Variants in NUDT18 observed in about 807,000 individuals in gnomAD.
NUDT18 encodes the protein 8-oxo-dGDP phosphatase NUDT18.
A neutral mutation model predicts 27.6 loss-of-function variants in NUDT18; 26 were observed. The observed-to-expected ratio is 0.94, with a 90% CI of 0.69 to 1.31. The LOEUF is 1.31. NUDT18 is among the 50% of genes most tolerant of loss of function. NUDT18 has a pLI of 0.00. For synonymous variants in NUDT18, 220 were observed against 196.9 expected (o/e 1.12, Z -0.98); for missense variants, 450 against 433.4 (o/e 1.04, Z -0.34).
At chr8:22,108,108 CA>C in intron 2 of NUDT18, 24 bp downstream of exon 2, 1 of 1,478,706 alleles carries the variant, frequency 6.8e-7, no homozygotes, top group Non-Finnish European at 9.0e-7. Context: ...TGGCCCTGTT[CA>C]CACTGCCTCC....
chr8:22,110,242 C>T (rs534094841), upstream of NUDT18, among the ~76,000 whole-genome samples: 1 of 152,248 alleles, frequency 6.6e-6, no homozygotes, highest in Non-Finnish European at 1.5e-5. Context: ...CTTGTCGTCA[C>T]CCTCCCACCC....
intron 1 of NUDT18, among the ~76,000 whole-genome samples, chr8:22,108,927 T>C (rs1364955834): frequency 3.3e-5 from 5 of 152,152 alleles, no homozygotes; most frequent in Non-Finnish European, 7.4e-5. Flanking sequence ...TGAGGCCTAG[T>C]CGGATGAGAC....
chr8:22,109,552 TG>T (rs1826434836), upstream of NUDT18: 1 of 484,888 alleles, frequency 2.1e-6, no homozygotes, highest in Non-Finnish European at 3.8e-6. Context: ...GGGGCCGCCC[TG>T]GAACTGGGGG....
In NUDT18 at chr8:22,109,385, C is replaced by CCAGTCCCTGCGGAGACCGCTCA; in HGVS notation, c.-86_-85insTGAGCGGTCTCCGCAGGGACTG. Reference sequence around the variant, plus strand: ...CTAGAGTGCGCTGCGGAGCCCGCTCCCAGTCCCTGCGGCAGCGGGCCGGGA... The same window carrying CCAGTCCCTGCGGAGACCGCTCA: ...CTAGAGTGCGCTGCGGAGCCCGCTCCCAGTCCCTGCGGAGACCGCTCACAGTCCCTGCGGCAGCGGGCCGGGA... On this transcript the variant is annotated 5_prime_UTR_variant, in exon 1 of 3. Transcript: ENST00000611621. 1 of 1,291,322 alleles carries CCAGTCCCTGCGGAGACCGCTCA rather than the reference C, an allele frequency of 7.7e-7. No individual in the cohort carries two copies. Among genetic ancestry groups the CCAGTCCCTGCGGAGACCGCTCA allele is most frequent in the Non-Finnish European group, 9.9e-7 (1 of 1,010,348 alleles). 80.0% of individuals were successfully genotyped at this position (1,291,322 alleles called of 1,614,324 possible). A position where few individuals can be genotyped will look rare whatever the true frequency, so the allele number is the denominator to read the frequency against.
intron 1 of NUDT18, 120 bp from the exon 2 acceptor site, chr8:22,108,466 C>G: frequency 2.4e-6 from 2 of 829,164 alleles, no homozygotes; most frequent in Non-Finnish European, 3.7e-6. Flanking sequence ...ACCCAGCTAG[C>G]GCTCCAGGAG....
In NUDT18 at chr8:22,109,272, A is replaced by G. The variant is rs1350819662; in HGVS notation, c.29T>C (p.Leu10Pro). The G allele has an allele frequency of 7.2e-7, 1 of 1,396,734 alleles. No individual in the cohort carries two copies. Among genetic ancestry groups the G allele is most frequent in the Admixed American group, 3.3e-5 (1 of 30,408 alleles). The allele number at this position is 1,396,734 out of a possible 1,614,324, so 86.5% of individuals were successfully genotyped here. Residue 10 changes from leucine (L) to proline (P), a missense_variant, in exon 1 of 3, where the codon CTG (leucine) becomes CCG (proline). Physicochemically the swap from Leu to Pro is moderately conservative, Grantham distance 98. Coordinates refer to ENST00000611621, the MANE Select transcript of NUDT18 (RefSeq NM_024815.4). MASEGLAGALASVLAGQGSS... is the reference protein window; with the variant it reads MASEGLAGAPASVLAGQGSS... ...CCCCTGGCCAGCCAGCACGGAAGCC[A>G]GCGCCCCCGCCAGGCCCTCCGAGGC...
Position 22,109,378 on chromosome 8 carries a change from C to CCCGCTCCCAGTCACTGCGGAGA in NUDT18, c.-79_-78insTCTCCGCAGTGACTGGGAGCGG. On this transcript the variant is annotated 5_prime_UTR_variant, in exon 1 of 3. Transcript: ENST00000611621. ...CCGCGGGCTAGAGTGCGCTGCGGAG[C>CCCGCTCCCAGTCACTGCGGAGA]CCGCTCCCAGTCCCTGCGGCAGCGG... 8.4e-7 allele frequency: 1 copy of CCCGCTCCCAGTCACTGCGGAGA among 1,195,272 alleles called. No individual in the cohort carries two copies. The highest frequency in any genetic ancestry group is 1.1e-6 in the Non-Finnish European group (1 of 931,082). 74.0% of individuals were successfully genotyped at this position (1,195,272 alleles called of 1,614,324 possible).
chr8:22,109,058 C>T, intron 1 of NUDT18, 81 bp downstream of exon 1: 6 of 1,113,862 alleles, frequency 5.4e-6, no homozygotes, highest in Non-Finnish European at 7.1e-6. Context: ...GCAGCGCTGG[C>T]TGTGGCCGTT....
At position 22,109,266 on chromosome 8, in the gene NUDT18, G is replaced by A; in HGVS notation, c.35C>T (p.Ser12Phe). 1.4e-6 allele frequency: 2 copies of A among 1,401,750 alleles called. No individual in the cohort carries two copies. Among genetic ancestry groups the A allele is most frequent in the East Asian group, 3.1e-5 (1 of 32,428 alleles). 86.8% of individuals were successfully genotyped at this position (1,401,750 alleles called of 1,614,324 possible). A position where few individuals can be genotyped will look rare whatever the true frequency, so the allele number is the denominator to read the frequency against. The stretch of plus-strand genomic sequence containing the variant: ...GCTGGACCCCTGGCCAGCCAGCACG[G>A]AAGCCAGCGCCCCCGCCAGGCCCTC... Reference protein sequence around the residue: ...ASEGLAGALASVLAGQGSSVH... With the variant: ...ASEGLAGALAFVLAGQGSSVH... Residue 12 changes from serine (S) to phenylalanine (F), a missense_variant, in exon 1 of 3, where the codon TCC (serine) becomes TTC (phenylalanine). Ser to Phe is a radical substitution (Grantham distance 155). Coordinates refer to ENST00000611621, the MANE Select transcript of NUDT18 (RefSeq NM_024815.4).
chr8:22,109,220 C>A lies in NUDT18; in HGVS notation c.81G>T (p.Ala27=), dbSNP rs1337581354. The A allele has an allele frequency of 3.5e-6, 5 of 1,439,840 alleles. No individual in the cohort carries two copies. Among genetic ancestry groups the A allele is most frequent in the Non-Finnish European group, 4.5e-6 (5 of 1,106,370 alleles). The allele number at this position is 1,439,840 out of a possible 1,614,324, so 89.2% of individuals were successfully genotyped here. The change falls in exon 1 of 3, where the codon GCG becomes GCT. Residue 27 remains alanine (A), a synonymous_variant. Coordinates refer to ENST00000611621, the MANE Select transcript of NUDT18 (RefSeq NM_024815.4). ...QGSSVHSCDS[A]PAGEPPAPVR... Reference sequence around the variant, plus strand: ...CGGGCGCCGGCGGCTCCCCGGCCGGCGCCGAGTCGCAGCTGTGCACGCTGG... The same window carrying A: ...CGGGCGCCGGCGGCTCCCCGGCCGGAGCCGAGTCGCAGCTGTGCACGCTGG...
Position 22,107,810 on chromosome 8 carries a change from C to A in NUDT18, c.462G>T (p.Leu154=). 1 of 1,613,130 alleles carries A rather than the reference C, an allele frequency of 6.2e-7. No individual in the cohort carries two copies. The highest frequency in any genetic ancestry group is 1.1e-5 in the South Asian group (1 of 91,016). ...WYPRTSLPTP[L]RAHDILHLVE... is the part of the protein sequence containing the mutation. Reference sequence around the variant, plus strand: ...CCAGGTGCAGGATGTCATGGGCTCGCAGCGGAGTGGGCAGGGAGGTCCGTG... The same window carrying A: ...CCAGGTGCAGGATGTCATGGGCTCGAAGCGGAGTGGGCAGGGAGGTCCGTG... The change falls in exon 3 of 3, where the codon CTG becomes CTT. Residue 154 remains leucine (L), a synonymous_variant. Coordinates refer to ENST00000611621, the MANE Select transcript of NUDT18 (RefSeq NM_024815.4).
chr8:22,109,122 C>CG lies in NUDT18; in HGVS notation c.162+16dup. The CG allele has an allele frequency of 7.1e-7, 1 of 1,404,528 alleles. No individual in the cohort carries two copies. The highest frequency in any genetic ancestry group is 9.2e-7 in the Non-Finnish European group (1 of 1,090,758). The allele number at this position is 1,404,528 out of a possible 1,614,324, so 87.0% of individuals were successfully genotyped here. ...GCGCGCTCCCGAGGCCCGGCGGGCC[C>CG]GGGGGCGGCCGCTCACCTGCTCGCT... is the stretch of plus-strand genomic sequence containing the variant. On this transcript the variant is annotated intron_variant, in intron 1 of 2. Coordinates refer to ENST00000611621, the MANE Select transcript of NUDT18 (RefSeq NM_024815.4).
upstream of NUDT18, chr8:22,109,478 C>T (rs1826432838): frequency 7.5e-6 from 4 of 536,634 alleles, no homozygotes; most frequent in Non-Finnish European, 6.0e-6. Context: ...TGATAGGCTG[C>T]GCGGCGCCGC....
chr8:22,109,688 CTCCGACGGTGACG>C (rs1826438815), upstream of NUDT18: 1 of 464,378 alleles, frequency 2.2e-6, no homozygotes, highest in Non-Finnish European at 4.3e-6. Context: ...TCTGCAGGAG[CTCCGACGGTGACG>C]TCATCTTTCC....
At position 22,107,565 on chromosome 8, in the gene NUDT18, C is replaced by G. The variant is rs1162182266; in HGVS notation, c.707G>C (p.Arg236Pro). ...CAGGGTCAGACACTCCTGCAGCAGC[C>G]GCAGGACGGCCATCTTCATGCCACC... ...QRGGMKMAVLRLLQECLTLHH... is the reference protein window; with the variant it reads ...QRGGMKMAVLPLLQECLTLHH... The change falls in exon 3 of 3, where the codon CGG (arginine) becomes CCG (proline). Residue 236 changes from arginine to proline, a missense_variant. Arg to Pro is a moderately radical substitution (Grantham distance 103, BLOSUM62 -2). Coordinates refer to ENST00000611621, the MANE Select transcript of NUDT18 (RefSeq NM_024815.4). 6 of 1,612,982 alleles carry G rather than the reference C, an allele frequency of 3.7e-6. No homozygotes were observed. The highest frequency in any genetic ancestry group is 5.1e-6 in the Non-Finnish European group (6 of 1,179,876).
In NUDT18 at chr8:22,109,293, G is replaced by A. The variant is rs768449580; in HGVS notation, c.8C>T (p.Ser3Leu). 4.4e-6 allele frequency: 6 copies of A among 1,372,330 alleles called. No individual in the cohort carries two copies. Among genetic ancestry groups the A allele is most frequent in the Middle Eastern group, 5.2e-4 (2 of 3,844 alleles). 85.0% of individuals were successfully genotyped at this position (1,372,330 alleles called of 1,614,324 possible). The part of the protein sequence containing the change: MA[S>L]EGLAGALASV... ...AGCCAGCGCCCCCGCCAGGCCCTCCGAGGCCATCGGGTCCCCCGGGGGGCG... is the reference window on the plus strand; with the variant it reads ...AGCCAGCGCCCCCGCCAGGCCCTCCAAGGCCATCGGGTCCCCCGGGGGGCG... The change falls in exon 1 of 3, where the codon TCG becomes TTG. Residue 3 changes from serine (S) to leucine (L), a missense_variant. Coordinates refer to ENST00000611621, the MANE Select transcript of NUDT18 (RefSeq NM_024815.4).
upstream of NUDT18, chr8:22,109,841 G>A (rs542549236): frequency 3.9e-5 from 17 of 437,290 alleles, no homozygotes; most frequent in African/African-American, 3.2e-4. Flanking sequence ...CATTGCCGGA[G>A]TTGATCATAT....
rs751034287 is a variant in NUDT18, at chr8:22,107,544, G to A, written c.728C>T (p.Thr243Ile). ...AVLRLLQECL[T>I]LHHLVVEIKG... Reference sequence around the variant, plus strand: ...GATCTCCACCACCAAGTGGTGCAGGGTCAGACACTCCTGCAGCAGCCGCAG... The same window carrying A: ...GATCTCCACCACCAAGTGGTGCAGGATCAGACACTCCTGCAGCAGCCGCAG... Residue 243 changes from threonine to isoleucine, a missense_variant, in exon 3 of 3, where the codon ACC becomes ATC. Transcript: ENST00000611621. The A allele has an allele frequency of 1.2e-6, 2 of 1,613,038 alleles. No homozygotes were observed. The highest frequency in any genetic ancestry group is 1.1e-5 in the South Asian group (1 of 91,080).
At position 22,109,302 on chromosome 8, in the gene NUDT18, G is replaced by T; in HGVS notation, c.-2C>A. ...CCCCGCCAGGCCCTCCGAGGCCATC[G>T]GGTCCCCCGGGGGGCGGCGGGCCGG... On this transcript the variant is annotated 5_prime_UTR_variant, in exon 1 of 3. Transcript: ENST00000611621. 7.4e-7 allele frequency: 1 copy of T among 1,347,840 alleles called. No homozygotes were observed. The highest frequency in any genetic ancestry group is 9.4e-7 in the Non-Finnish European group (1 of 1,058,570). 83.5% of individuals were successfully genotyped at this position (1,347,840 alleles called of 1,614,324 possible).
Sources: gnomAD v4.1 joint callset for allele counts (sites outside exome capture counted in the v4.1 genomes callset) on GRCh38, gnomAD v4.1.1 for gene constraint, MANE v1.5 for transcripts, NCBI Gene and HGNC (gene_info 2026-07-23, HGNC 2026-07-21) for gene names.